The following MEF2C variants were observed in gnomAD, a reference collection of about 807,000 sequenced individuals.
MEF2C encodes the protein myocyte-specific enhancer factor 2C.
MEF2C carries 6 observed loss-of-function variants against 50.5 expected under a neutral mutation model. The observed-to-expected ratio is 0.12, with a 90% confidence interval of 0.07 to 0.23. The LOEUF is 0.23. Among genes scored for constraint, MEF2C ranks in the 10% least tolerant of loss-of-function variants. MEF2C has a pLI of 1.00. For missense variants in MEF2C, 276 were observed against 605.0 expected (o/e 0.46, Z 5.70); for synonymous variants, 183 against 228.0 (o/e 0.80, Z 1.78).
intron 4 of MEF2C, among the ~76,000 whole-genome samples, chr5:88,754,120 C>T (rs1774122008): frequency 6.6e-6 from 1 of 152,210 alleles, no homozygotes; most frequent in Admixed American, 6.5e-5. Flanking sequence ...CTCCTGCCCT[C>T]TGGCTTCCCA....
intron 3 of MEF2C, among the ~76,000 whole-genome samples, chr5:88,791,327 A>G (rs1240865211): frequency 6.6e-6 from 1 of 152,152 alleles, no homozygotes; most frequent in Non-Finnish European, 1.5e-5. Context: ...GCTCTAGTTC[A>G]GGAAGGTTCA....
At chr5:88,892,490 G>A (rs150780302) in intron 1 of MEF2C, among the ~76,000 whole-genome samples, 445 of 152,292 alleles carry the variant, frequency 2.9e-3, no homozygotes, top group African/African-American at 1.0e-2. Flanking sequence ...ATACCATTAA[G>A]TTCTTTATTC....
intron 3 of MEF2C, among the ~76,000 whole-genome samples, chr5:88,764,478 A>T (rs1458939057): frequency 6.6e-6 from 1 of 152,090 alleles, no homozygotes; most frequent in African/African-American, 2.4e-5. Flanking sequence ...TCTCACTCAT[A>T]TGTAACTATA....
At chr5:88,755,686 C>T (rs1326068049) in intron 4 of MEF2C, among the ~76,000 whole-genome samples, 1 of 152,146 alleles carries the variant, frequency 6.6e-6, no homozygotes, top group Admixed American at 6.5e-5. Context: ...AATTTGAATT[C>T]ACTGTTACTA....
At chr5:88,832,791 C>T (rs1340859878) in intron 1 of MEF2C, among the ~76,000 whole-genome samples, 1 of 152,134 alleles carries the variant, frequency 6.6e-6, no homozygotes, top group Admixed American at 6.6e-5. Context: ...AATTACCCTA[C>T]TTTCTTGTGA....
chr5:88,857,777 C>T (rs1414969663), intron 1 of MEF2C, among the ~76,000 whole-genome samples: 5 of 152,212 alleles, frequency 3.3e-5, no homozygotes, highest in African/African-American at 4.8e-5. Context: ...GAGGCCTCCC[C>T]AGCCATGTGA....
At chr5:88,867,893 T>A (rs62380392) in intron 1 of MEF2C, among the ~76,000 whole-genome samples, 516 of 152,338 alleles carry the variant, frequency 3.4e-3, no homozygotes, top group Non-Finnish European at 5.9e-3. Flanking sequence ...AGCCTTCTGG[T>A]CACTGCAGTC....
rs1008990496 is a variant in MEF2C at position 88,752,495 on chromosome 5, A to T, written c.403-452T>A. 3 of 570,918 alleles carry T rather than the reference A, an allele frequency of 5.3e-6. No individual in the cohort carries two copies. The African/African-American group carries it at 6.0e-5, about 11-fold the overall frequency. 35.4% of individuals were successfully genotyped at this position (570,918 alleles called of 1,614,324 possible). A position where few individuals can be genotyped will look rare whatever the true frequency, so the allele number is the denominator to read the frequency against. On this transcript the variant is annotated intron_variant, in intron 4 of 10. Transcript: ENST00000504921. ...TGTAGAAGTTTAATGATAGAAAATCATCTCCAAGCATGTGCATAGCACATA... is the reference window on the plus strand; with the variant it reads ...TGTAGAAGTTTAATGATAGAAAATCTTCTCCAAGCATGTGCATAGCACATA...
intron 1 of MEF2C, among the ~76,000 whole-genome samples, chr5:88,890,823 T>C (rs1478165324): frequency 6.6e-6 from 1 of 152,182 alleles, no homozygotes; most frequent in African/African-American, 2.4e-5. Flanking sequence ...CCCAGACACC[T>C]AATTTTTTTA....
At chr5:88,889,233 C>G (rs1834274161) in intron 1 of MEF2C, 1 of 152,230 alleles carries the variant, frequency 6.6e-6, no homozygotes, top group African/African-American at 2.4e-5. Context: ...AACAATCCCT[C>G]CGGTTGATTT....
At chr5:88,842,773 C>A (rs567374226) in intron 1 of MEF2C, among the ~76,000 whole-genome samples, 1 of 152,158 alleles carries the variant, frequency 6.6e-6, no homozygotes, top group Non-Finnish European at 1.5e-5. Context: ...TTCCTAGATA[C>A]ATTTTTCATG....
At chr5:88,855,364 A>G (rs1006148107) in intron 1 of MEF2C, among the ~76,000 whole-genome samples, 3 of 152,238 alleles carry the variant, frequency 2.0e-5, no homozygotes, top group African/African-American at 7.2e-5. Flanking sequence ...ATACAGTAAT[A>G]AGATGATATA....
intron 1 of MEF2C, among the ~76,000 whole-genome samples, chr5:88,866,813 T>C (rs1176397673): frequency 1.3e-5 from 2 of 152,232 alleles, no homozygotes; most frequent in Non-Finnish European, 2.9e-5. Context: ...TTCTCTAGAA[T>C]ATCCATCTGC....
intron 1 of MEF2C, among the ~76,000 whole-genome samples, chr5:88,874,806 T>C (rs956558991): frequency 2.0e-5 from 3 of 152,006 alleles, no homozygotes; most frequent in African/African-American, 7.2e-5. Context: ...AGCTAACATT[T>C]ATACACTATT....
At chr5:88,826,794 C>T (rs774340455) in intron 1 of MEF2C, among the ~76,000 whole-genome samples, 2 of 151,740 alleles carry the variant, frequency 1.3e-5, no homozygotes, top group Admixed American at 6.6e-5. Context: ...ACTTTCATTA[C>T]GTACAATCAA....
intron 7 of MEF2C, among the ~76,000 whole-genome samples, chr5:88,730,556 C>T (rs1463273521): frequency 6.6e-6 from 1 of 152,134 alleles, no homozygotes; most frequent in African/African-American, 2.4e-5. Context: ...GAGCTACACA[C>T]CTGGCTGCCA....
intron 6 of MEF2C, chr5:88,736,071 A>G: frequency 8.1e-6 from 8 of 985,232 alleles, no homozygotes; most frequent in Non-Finnish European, 9.6e-6. Flanking sequence ...ATCTTCTATT[A>G]TCCCCTCTCC....
chr5:88,881,624 C>T (rs1410799048), intron 1 of MEF2C, among the ~76,000 whole-genome samples: 1 of 152,062 alleles, frequency 6.6e-6, no homozygotes, highest in East Asian at 1.9e-4. Context: ...ATTTCCATGT[C>T]CTACCAAGTC....
chr5:88,767,161 C>T (rs1011039786), intron 3 of MEF2C, among the ~76,000 whole-genome samples: 1 of 152,088 alleles, frequency 6.6e-6, no homozygotes, highest in South Asian at 2.1e-4. Flanking sequence ...AAAATTTATT[C>T]GGCAAACAAT....
Sources: allele counts gnomAD v4.1 joint callset (sites outside exome capture counted in the v4.1 genomes callset), GRCh38; gene constraint gnomAD v4.1.1; transcripts MANE v1.5; gene names NCBI Gene and HGNC (gene_info 2026-07-23, HGNC 2026-07-21).